The following ZNF804B variants were observed in gnomAD, a reference collection of about 807,000 sequenced individuals.
The protein encoded by ZNF804B is zinc finger 804B.
In ZNF804B, 80 loss-of-function variants were observed where a neutral mutation model predicts 101.4. The ratio of observed to expected loss-of-function variants is 0.79; its 90% confidence interval spans 0.66 to 0.95. The LOEUF (loss-of-function observed/expected upper bound fraction) is 0.95. Ranked by LOEUF, ZNF804B falls within the 40% of genes least tolerant of loss-of-function variation. ZNF804B has a pLI of 0.00. For synonymous variants in ZNF804B, 622 were observed against 558.8 expected, an observed-to-expected ratio of 1.11 and a Z score of -1.59; for missense variants, 1,673 against 1,561.9, an observed-to-expected ratio of 1.07 and a Z score of -1.20.
chr7:89,103,941 C>T (rs929508414), intron 1 of ZNF804B, among the ~76,000 whole-genome samples: 3 of 151,742 alleles, frequency 2.0e-5, no homozygotes, highest in Non-Finnish European at 2.9e-5. Context: ...ATCATGAAGG[C>T]ATGTTTAATC....
intron 1 of ZNF804B, among the ~76,000 whole-genome samples, chr7:88,778,718 G>A (rs569857118): frequency 8.5e-4 from 129 of 152,136 alleles, no homozygotes; most frequent in African/African-American, 2.9e-3. Context: ...CCCCTACCCT[G>A]CACTTCTCTT....
At chr7:89,101,380 A>G (rs916795737) in intron 1 of ZNF804B, among the ~76,000 whole-genome samples, 1 of 152,042 alleles carries the variant, frequency 6.6e-6, no homozygotes, top group Non-Finnish European at 1.5e-5. Flanking sequence ...TAAAACTCTC[A>G]AAGTGATATT....
At chr7:89,240,510 A>G (rs1032659250) in intron 2 of ZNF804B, among the ~76,000 whole-genome samples, 4 of 151,892 alleles carry the variant, frequency 2.6e-5, no homozygotes, top group Non-Finnish European at 5.9e-5. Flanking sequence ...TTGTCAATGT[A>G]TCTCACCTCT....
intron 1 of ZNF804B, among the ~76,000 whole-genome samples, chr7:88,815,527 A>G (rs912046965): frequency 1.3e-5 from 2 of 151,700 alleles, no homozygotes; most frequent in Admixed American, 1.3e-4. Context: ...TATGTAACCA[A>G]TCTCACATTG....
chr7:89,053,878 G>A (rs1330287232), intron 1 of ZNF804B, among the ~76,000 whole-genome samples: 1 of 152,080 alleles, frequency 6.6e-6, no homozygotes, highest in Admixed American at 6.6e-5. Context: ...CTAATTGGAT[G>A]TTGAATGTTG....
chr7:88,761,398 C>G (rs17164156), intron 1 of ZNF804B, among the ~76,000 whole-genome samples: 10,235 of 152,224 alleles, frequency 0.067, 456 homozygotes, highest in South Asian at 0.15. Flanking sequence ...GGTTAGCAGG[C>G]ACTTGCAGAG....
At chr7:89,067,783 C>T (rs1177498720) in intron 1 of ZNF804B, among the ~76,000 whole-genome samples, 1 of 151,494 alleles carries the variant, frequency 6.6e-6, no homozygotes, top group Non-Finnish European at 1.5e-5. Context: ...ATCTGTGTGA[C>T]TTTAGGCACA....
intron 1 of ZNF804B, among the ~76,000 whole-genome samples, chr7:89,116,594 G>A (rs959209621): frequency 6.6e-6 from 1 of 152,116 alleles, no homozygotes; most frequent in Admixed American, 6.6e-5. Context: ...TTAAGCTTTA[G>A]TTATAAAATT....
rs781700939 is a variant in ZNF804B at position 89,336,309 on chromosome 7, T to A, written c.3327T>A (p.His1109Gln). ...DLQDVSMHIN[H>Q]VEGNINSYYD... ...AGGATGTAAGCATGCATATAAATCA[T>A]GTAGAGGGAAATATAAACTCTTACT... The change falls in exon 4 of 4, where the codon CAT becomes CAA. Residue 1109 changes from histidine (H) to glutamine (Q), a missense_variant. Physicochemically the swap from His to Gln is conservative, Grantham distance 24. Transcript: ENST00000333190. 2 of 1,613,896 alleles carry A rather than the reference T, an allele frequency of 1.2e-6. No homozygotes were observed. Among genetic ancestry groups the A allele is most frequent in the East Asian group, 4.5e-5 (2 of 44,862 alleles).
At chr7:89,051,301 A>G (rs1789200799) in intron 1 of ZNF804B, among the ~76,000 whole-genome samples, 1 of 152,174 alleles carries the variant, frequency 6.6e-6, no homozygotes, top group Non-Finnish European at 1.5e-5. Context: ...GTATCAGTTG[A>G]TAGTCTCACA....
intron 1 of ZNF804B, among the ~76,000 whole-genome samples, chr7:89,090,896 A>G (rs1789875169): frequency 6.6e-6 from 1 of 152,136 alleles, no homozygotes; most frequent in Non-Finnish European, 1.5e-5. Context: ...AGACTGATAC[A>G]GACTATACCA....
chr7:89,210,338 T>G (rs1335385637), intron 1 of ZNF804B, among the ~76,000 whole-genome samples: 1 of 152,132 alleles, frequency 6.6e-6, no homozygotes, highest in African/African-American at 2.4e-5. Flanking sequence ...GCTAGCTTTA[T>G]TTTTATTTTT....
At position 89,025,328 on chromosome 7, in the gene ZNF804B, A is replaced by G. The variant is rs192303580; in HGVS notation, c.109-192827A>G. ...AGTTAAAGTCTAAATGCAAACTTAA[A>G]CATATTACAGTTTGAGTCATTAGCT... is the stretch of plus-strand genomic sequence containing the variant. On this transcript the variant is annotated intron_variant, in intron 1 of 3. Transcript: ENST00000333190. 3.1e-3 allele frequency among the ~76,000 whole-genome samples: 474 copies of G among 152,226 alleles called. 8 individuals carry two copies. Among genetic ancestry groups the G allele is most frequent in the African/African-American group, 0.011 (453 of 41,578 alleles).
At chr7:89,283,471 T>G (rs149544754) in intron 2 of ZNF804B, among the ~76,000 whole-genome samples, 4 of 152,298 alleles carry the variant, frequency 2.6e-5, no homozygotes, top group Admixed American at 2.6e-4. Flanking sequence ...TTATAGTGTG[T>G]GGACTACAAA....
intron 1 of ZNF804B, among the ~76,000 whole-genome samples, chr7:88,938,270 T>A (rs1282308347): frequency 6.6e-6 from 1 of 152,076 alleles, no homozygotes; most frequent in Non-Finnish European, 1.5e-5. Context: ...AGTCTTATAA[T>A]GGCTGCCCTT....
chr7:89,187,459 A>G (rs764218925), intron 1 of ZNF804B, among the ~76,000 whole-genome samples: 11 of 152,158 alleles, frequency 7.2e-5, no homozygotes, highest in Non-Finnish European at 1.5e-4. Flanking sequence ...TAAAGTAAAA[A>G]CAGTCTGAAC....
intron 1 of ZNF804B, among the ~76,000 whole-genome samples, chr7:89,075,443 C>T (rs1489886322): frequency 6.6e-6 from 1 of 152,146 alleles, no homozygotes; most frequent in Non-Finnish European, 1.5e-5. Context: ...GTGCAAGCCT[C>T]AAGCCTTGGC....
At chr7:89,084,656 A>G (rs1392861929) in intron 1 of ZNF804B, among the ~76,000 whole-genome samples, 3 of 151,986 alleles carry the variant, frequency 2.0e-5, no homozygotes, top group Non-Finnish European at 4.4e-5. Context: ...TATGAAGGAT[A>G]CATTGCTGAC....
intron 1 of ZNF804B, among the ~76,000 whole-genome samples, chr7:88,955,015 C>T (rs1461880689): frequency 6.7e-6 from 1 of 149,824 alleles, no homozygotes; most frequent in African/African-American, 2.5e-5. Flanking sequence ...AATCCTAGCT[C>T]TTAGGGTGGC....
Sources: allele counts gnomAD v4.1 joint callset (sites outside exome capture counted in the v4.1 genomes callset), GRCh38; gene constraint gnomAD v4.1.1; transcripts MANE v1.5; gene names NCBI Gene and HGNC (gene_info 2026-07-23, HGNC 2026-07-21).